Variants in SORCS2 observed in about 807,000 individuals in gnomAD.
The protein encoded by SORCS2 is VPS10 domain-containing receptor SorCS2.
SORCS2 carries 100 observed loss-of-function variants against 141.6 expected under a neutral mutation model. The ratio of observed to expected loss-of-function variants is 0.71; its 90% CI spans 0.60 to 0.83. SORCS2 has a LOEUF of 0.83. Among genes scored for constraint, SORCS2 ranks in the 40% least tolerant of loss-of-function variants. The pLI is 0.00. For synonymous variants in SORCS2, 789 were observed against 676.9 expected (o/e 1.17, Z -2.57); for missense variants, 1,646 against 1,560.2 (o/e 1.05, Z -0.93).
chr4:7,455,377 G>C (rs1413280772), intron 2 of SORCS2, among the ~76,000 whole-genome samples: 2 of 112,976 alleles, frequency 1.8e-5, no homozygotes, highest in Non-Finnish European at 1.8e-5. Context: ...GTCAGGAGCT[G>C]TGTGTTGGGG....
chr4:7,462,528 C>T (rs888982469), intron 2 of SORCS2, among the ~76,000 whole-genome samples: 14 of 152,086 alleles, frequency 9.2e-5, no homozygotes, highest in Non-Finnish European at 1.2e-4. Flanking sequence ...GACGTTGGCT[C>T]TAAAGCCTGG....
intron 3 of SORCS2, among the ~76,000 whole-genome samples, chr4:7,582,552 C>T (rs1335322355): frequency 6.6e-6 from 1 of 152,198 alleles, no homozygotes; most frequent in African/African-American, 2.4e-5. Context: ...CGTAGATGAC[C>T]TGCTTCTGGC....
chr4:7,340,916 C>T (rs1720333243), intron 1 of SORCS2, among the ~76,000 whole-genome samples: 1 of 152,232 alleles, frequency 6.6e-6, no homozygotes, highest in Non-Finnish European at 1.5e-5. Flanking sequence ...TTGCTCCTCC[C>T]TCATCCCTGA....
intron 2 of SORCS2, among the ~76,000 whole-genome samples, chr4:7,515,563 C>A (rs985590324): frequency 1.3e-5 from 2 of 152,224 alleles, no homozygotes; most frequent in African/African-American, 4.8e-5. Flanking sequence ...ATTGAGGAGG[C>A]CTGGACACCG....
At chr4:7,342,658 C>T (rs1006076438) in intron 1 of SORCS2, among the ~76,000 whole-genome samples, 3 of 152,140 alleles carry the variant, frequency 2.0e-5, no homozygotes, top group Admixed American at 1.3e-4. Flanking sequence ...AGAAGCCCTG[C>T]AAAGCTTCCA....
At chr4:7,601,682 T>TC (rs1409318439) in intron 3 of SORCS2, among the ~76,000 whole-genome samples, 2 of 151,106 alleles carry the variant, frequency 1.3e-5, no homozygotes, top group East Asian at 3.9e-4. Context: ...TTTGTTTTTT[T>TC]AGTATTTATT....
At chr4:7,373,212 A>G (rs899697973) in intron 1 of SORCS2, among the ~76,000 whole-genome samples, 3 of 151,382 alleles carry the variant, frequency 2.0e-5, no homozygotes, top group Admixed American at 1.3e-4. Context: ...AAGGTATGAG[A>G]GTTCTGGTTG....
At chr4:7,560,687 G>C (rs1714472089) in intron 3 of SORCS2, among the ~76,000 whole-genome samples, 1 of 152,142 alleles carries the variant, frequency 6.6e-6, no homozygotes, top group South Asian at 2.1e-4. Flanking sequence ...GGACCACTCA[G>C]CACCTGAAAC....
intron 3 of SORCS2, among the ~76,000 whole-genome samples, chr4:7,579,418 G>A (rs60962701): frequency 0.014 from 2,101 of 152,204 alleles, 45 homozygotes; most frequent in African/African-American, 0.047. Flanking sequence ...TTAGGAGGTA[G>A]GTGTTATTAA....
intron 3 of SORCS2, among the ~76,000 whole-genome samples, chr4:7,576,459 G>A (rs921836097): frequency 6.6e-6 from 1 of 152,198 alleles, no homozygotes; most frequent in Non-Finnish European, 1.5e-5. Flanking sequence ...AACAGCCATC[G>A]AGTGCCTGCT....
chr4:7,710,643 G>A (rs1725769294), intron 14 of SORCS2, among the ~76,000 whole-genome samples: 1 of 152,208 alleles, frequency 6.6e-6, no homozygotes. Flanking sequence ...CCGTCCAAGT[G>A]GGGTCCATCT....
intron 26 of SORCS2, among the ~76,000 whole-genome samples, chr4:7,738,776 C>T (rs755873504): frequency 1.2e-4 from 18 of 152,146 alleles, no homozygotes; most frequent in African/African-American, 3.9e-4. Context: ...TCGCTCACCC[C>T]GGCCAGCCAG....
intron 1 of SORCS2, among the ~76,000 whole-genome samples, chr4:7,231,612 G>A (rs1380841594): frequency 6.6e-6 from 1 of 152,218 alleles, no homozygotes; most frequent in East Asian, 1.9e-4. Context: ...ACTGTGTGGT[G>A]CACTGGGGAC....
intron 20 of SORCS2, among the ~76,000 whole-genome samples, chr4:7,725,765 A>G: frequency 6.6e-6 from 1 of 152,302 alleles, no homozygotes; most frequent in Admixed American, 6.5e-5. Flanking sequence ...AAATTAGCAG[A>G]ATGCCTGGAC....
At chr4:7,720,899 A>G (rs1025848764) in intron 18 of SORCS2, among the ~76,000 whole-genome samples, 1 of 152,238 alleles carries the variant, frequency 6.6e-6, no homozygotes, top group Non-Finnish European at 1.5e-5. Flanking sequence ...AGACTGGAGA[A>G]TGCCACAGGT....
At chr4:7,707,622 G>C (rs1011141477) in intron 14 of SORCS2, among the ~76,000 whole-genome samples, 5 of 152,232 alleles carry the variant, frequency 3.3e-5, no homozygotes, top group Admixed American at 2.0e-4. Flanking sequence ...CCCATCTGCA[G>C]GGTTGCCCTT....
At chr4:7,481,052 C>T (rs1028790915) in intron 2 of SORCS2, among the ~76,000 whole-genome samples, 11 of 152,242 alleles carry the variant, frequency 7.2e-5, no homozygotes, top group African/African-American at 2.7e-4. Flanking sequence ...ATCAAGAGAG[C>T]CCATCTGACT....
At position 7,271,803 on chromosome 4, in the gene SORCS2, G is replaced by A. The variant is rs115221417; in HGVS notation, c.480+78677G>A. Among the ~76,000 whole-genome samples the A allele has an allele frequency of 2.3e-3, 355 of 152,370 alleles. 1 individual carries two copies. Among genetic ancestry groups the A allele is most frequent in the African/African-American group, 8.1e-3 (338 of 41,592 alleles). ...CCAGGTGGAGAAGAGCTGCAAGTACGGCCTATGCCGGGGCCCGAGACAGCA... is the reference window on the plus strand; with the variant it reads ...CCAGGTGGAGAAGAGCTGCAAGTACAGCCTATGCCGGGGCCCGAGACAGCA... On this transcript the variant is annotated intron_variant, in intron 1 of 26. Transcript: ENST00000507866.
intron 3 of SORCS2, among the ~76,000 whole-genome samples, chr4:7,558,937 C>T (rs1714331552): frequency 6.6e-6 from 1 of 152,234 alleles, no homozygotes; most frequent in Non-Finnish European, 1.5e-5. Flanking sequence ...TCCTCCTGTG[C>T]CCTGCCCTGT....
Sources: gnomAD v4.1 joint callset for allele counts (sites outside exome capture counted in the v4.1 genomes callset) on GRCh38, gnomAD v4.1.1 for gene constraint, MANE v1.5 for transcripts, NCBI Gene and HGNC (gene_info 2026-07-23, HGNC 2026-07-21) for gene names.